Variants in GGT5 observed in about 807,000 individuals in gnomAD.
GGT5 encodes gamma-glutamyltransferase 5.
In GGT5, 50 loss-of-function variants were observed where a neutral mutation model predicts 58.1. The ratio of observed to expected loss-of-function variants is 0.86; its 90% CI spans 0.69 to 1.09. GGT5 has a LOEUF of 1.09. GGT5 is among the 50% of genes least tolerant of loss of function. The pLI, the probability that GGT5 is intolerant of heterozygous loss-of-function variation, is 0.00. For missense variants in GGT5, 800 were observed against 789.4 expected (o/e 1.01, Z -0.16); for synonymous variants, 370 against 346.1 (o/e 1.07, Z -0.77).
In GGT5 at chr22:24,233,022, C is replaced by T; in HGVS notation, c.401-4G>A. ...GGCACCCCGATCCACTGGGCCCCTG[C>T]ATGGCACATCCCAGCTCTCAACCCT... On this transcript the variant is annotated splice_region_variant and splice_polypyrimidine_tract_variant and intron_variant, in intron 3 of 11. Coordinates refer to ENST00000327365, the MANE Select transcript of GGT5 (RefSeq NM_004121.5). The T allele has an allele frequency of 2.0e-6, 3 of 1,517,258 alleles. No individual in the cohort carries two copies. The highest frequency in any genetic ancestry group is 2.5e-5 in the East Asian group (1 of 40,762). 94.0% of individuals were successfully genotyped at this position (1,517,258 alleles called of 1,614,324 possible).
chr22:24,238,860 TATATA>T lies in GGT5; in HGVS notation c.174-4861_174-4857del, dbSNP rs2048216597. ...ATATATATATATTATATATATTATA[TATATA>T]ATATATATAATATATATTATATATT... On this transcript the variant is annotated intron_variant, in intron 1 of 11. Coordinates refer to ENST00000327365, the MANE Select transcript of GGT5 (RefSeq NM_004121.5). 3.7e-3 allele frequency among the ~76,000 whole-genome samples: 52 copies of T among 14,058 alleles called. 1 individual carries two copies. Among genetic ancestry groups the T allele is most frequent in the African/African-American group, 0.012 (30 of 2,490 alleles). The allele number at this position is 14,058 out of a possible 152,430, so 9.2% of individuals were successfully genotyped here. A position where few individuals can be genotyped will look rare whatever the true frequency, so the allele number is the denominator to read the frequency against.
intron 5 of GGT5, 22 bp downstream of exon 5, chr22:24,232,029 A>G (rs957047801): frequency 1.2e-6 from 2 of 1,603,584 alleles, no homozygotes; most frequent in African/African-American, 1.3e-5. Context: ...GGGATGGGGT[A>G]TGGAACCTCA....
At chr22:24,227,049 A>G (rs953043910) in intron 6 of GGT5, among the ~76,000 whole-genome samples, 3 of 148,912 alleles carry the variant, frequency 2.0e-5, no homozygotes, top group African/African-American at 7.5e-5. Flanking sequence ...CCTGGGTTCA[A>G]GTGATTCTTG....
At chr22:24,222,872 T>C (rs1481681007) in intron 11 of GGT5, among the ~76,000 whole-genome samples, 2 of 146,492 alleles carry the variant, frequency 1.4e-5, no homozygotes, top group South Asian at 2.2e-4. Context: ...GGTCAGGAGA[T>C]CGAGACCATC....
At chr22:24,230,971 C>T (rs2047919062) in intron 6 of GGT5, among the ~76,000 whole-genome samples, 1 of 152,188 alleles carries the variant, frequency 6.6e-6, no homozygotes, top group Non-Finnish European at 1.5e-5. Context: ...TAATATTAAG[C>T]CAGCGCAGGC....
At chr22:24,239,132 G>C (rs1317030165) in intron 1 of GGT5, among the ~76,000 whole-genome samples, 1 of 148,030 alleles carries the variant, frequency 6.8e-6, no homozygotes, top group Non-Finnish European at 1.5e-5. Context: ...GAGGTTAGGA[G>C]ATCGAGACCA....
At chr22:24,220,640 C>T in intron 11 of GGT5, 2 of 454,588 alleles carry the variant, frequency 4.4e-6, no homozygotes, top group South Asian at 1.6e-5. Context: ...CACATACCTA[C>T]AGTCTTAGCC....
intron 11 of GGT5, among the ~76,000 whole-genome samples, chr22:24,223,887 C>T (rs908181727): frequency 1.3e-5 from 2 of 151,332 alleles, no homozygotes; most frequent in South Asian, 2.1e-4. Context: ...TTCAGCCTCC[C>T]GAGTAGCTGG....
Position 24,226,679 on chromosome 22 carries a change from C to A in GGT5, c.990G>T (p.Lys330Asn). The A allele has an allele frequency of 6.2e-7, 1 of 1,614,102 alleles. No individual in the cohort carries two copies. Among genetic ancestry groups the A allele is most frequent in the Admixed American group, 1.7e-5 (1 of 60,024 alleles). ...HHLVETLKFA[K>N]GQRWRLGDPR... The stretch of plus-strand genomic sequence containing the variant: ...GGTCCCCCAGCCTCCACCTCTGCCC[C>A]TTGGCAAACTTGAGCGTCTCTACAA... The change falls in exon 7 of 12, where the codon AAG (lysine) becomes AAT (asparagine). Residue 330 changes from lysine (K) to asparagine (N), a missense_variant. Transcript: ENST00000327365.
At chr22:24,230,698 T>G (rs1349619979) in intron 6 of GGT5, among the ~76,000 whole-genome samples, 1 of 152,222 alleles carries the variant, frequency 6.6e-6, no homozygotes, top group African/African-American at 2.4e-5. Context: ...CCTCCCTGAA[T>G]ACACACATAG....
intron 6 of GGT5, among the ~76,000 whole-genome samples, chr22:24,228,048 C>CAAAAAAAAAA (rs1273239063): frequency 2.3e-4 from 5 of 22,048 alleles, no homozygotes; most frequent in African/African-American, 3.0e-4. Flanking sequence ...GACTCTGTCT[C>CAAAAAAAAAA]AAAAAAAAAA....
At chr22:24,226,055 C>T in intron 8 of GGT5, 21 bp downstream of exon 8, 1 of 1,529,200 alleles carries the variant, frequency 6.5e-7, no homozygotes, top group Non-Finnish European at 8.8e-7. Flanking sequence ...AGCCATCCGC[C>T]TTCCCCCAGG....
In GGT5 at chr22:24,224,981, G is replaced by C. The variant is rs777545484; in HGVS notation, c.1614+15C>G. 1.4e-5 allele frequency: 22 copies of C among 1,519,888 alleles called. No homozygotes were observed. Among genetic ancestry groups the C allele is most frequent in the Non-Finnish European group, 1.9e-5 (21 of 1,110,562 alleles). 94.2% of individuals were successfully genotyped at this position (1,519,888 alleles called of 1,614,324 possible). ...GGGCTCTGCCCTAGGCATCCAGCTC[G>C]GACCTCAGCCTCACCTGGCTGAAGT... is the stretch of plus-strand genomic sequence containing the variant. On this transcript the variant is annotated intron_variant, in intron 11 of 11. Coordinates refer to ENST00000327365, the MANE Select transcript of GGT5 (RefSeq NM_004121.5).
chr22:24,226,051 CCG>C (rs1209800709), intron 8 of GGT5, 23 bp downstream of exon 8: 2 of 1,507,460 alleles, frequency 1.3e-6, no homozygotes, highest in African/African-American at 1.4e-5. Context: ...GTGAAGCCAT[CCG>C]CCTTCCCCCA....
intron 1 of GGT5, chr22:24,241,927 C>T (rs1440478268): frequency 1.3e-5 from 2 of 151,402 alleles, no homozygotes; most frequent in East Asian, 1.9e-4. Context: ...AGTGATTCTC[C>T]TGTCTCAGCC....
rs144887548 is a variant in GGT5 at position 24,234,590 on chromosome 22, C to T, written c.174-586G>A. ...ATCCCTGCACTTTGGGAGGCCGAGG[C>T]GGATAGATCACTTGAGGTCAGGAGT... On this transcript the variant is annotated intron_variant, in intron 1 of 11. Transcript: ENST00000327365. Among the ~76,000 whole-genome samples, 355 of 152,274 alleles carry T rather than the reference C, an allele frequency of 2.3e-3. 3 individuals carry two copies. The highest frequency in any genetic ancestry group is 8.0e-3 in the African/African-American group (332 of 41,548).
Position 24,225,378 on chromosome 22 carries a change from C to A in GGT5, c.1370G>T (p.Arg457Met), listed in dbSNP as rs2047721426. Residue 457 changes from arginine (R) to methionine (M), a missense_variant, in exon 10 of 12, where the codon AGG becomes ATG. Coordinates refer to ENST00000327365, the MANE Select transcript of GGT5 (RefSeq NM_004121.5). ...SGDRVGGAPG[R>M]CWPPVPGERS... ...CTCGCCTGGAACTGGGGGCCAGCACCTTCCGGGAGCTCCACCCACCCTGTC... is the reference window on the plus strand; with the variant it reads ...CTCGCCTGGAACTGGGGGCCAGCACATTCCGGGAGCTCCACCCACCCTGTC... 6.2e-7 allele frequency: 1 copy of A among 1,608,888 alleles called. No homozygotes were observed. The highest frequency in any genetic ancestry group is 1.1e-5 in the South Asian group (1 of 90,418).
At position 24,238,884 on chromosome 22, in the gene GGT5, ATATATTTTATATATATATATAT is replaced by A. The variant is rs1569372137; in HGVS notation, c.174-4902_174-4881del. 4.3e-3 allele frequency among the ~76,000 whole-genome samples: 46 copies of A among 10,662 alleles called. 2 individuals carry two copies. Among genetic ancestry groups the A allele is most frequent in the African/African-American group, 0.02 (37 of 1,832 alleles). 7.0% of individuals were successfully genotyped at this position (10,662 alleles called of 152,430 possible). A position where few individuals can be genotyped will look rare whatever the true frequency, so the allele number is the denominator to read the frequency against. ...ATATATAATATATATAATATATATT[ATATATTTTATATATATATATAT>A]TATATATATTATATATATAATATAT... is the stretch of plus-strand genomic sequence containing the variant. On this transcript the variant is annotated intron_variant, in intron 1 of 11. Coordinates refer to ENST00000327365, the MANE Select transcript of GGT5 (RefSeq NM_004121.5).
intron 5 of GGT5, among the ~76,000 whole-genome samples, 190 bp from the exon 6 acceptor site, chr22:24,231,720 A>G (rs2047947763): frequency 6.6e-6 from 1 of 152,100 alleles, no homozygotes; most frequent in African/African-American, 2.4e-5. Context: ...GTGGACAGAG[A>G]CCAGAGGCAG....
Sources: gnomAD v4.1 joint callset for allele counts (sites outside exome capture counted in the v4.1 genomes callset) on GRCh38, gnomAD v4.1.1 for gene constraint, MANE v1.5 for transcripts, NCBI Gene and HGNC (gene_info 2026-07-23, HGNC 2026-07-21) for gene names.